The following CYP2A13 variants were observed in gnomAD, a reference collection of about 807,000 sequenced individuals.
The protein encoded by CYP2A13 is cytochrome P450 family 2 subfamily A member 13.
Under a neutral mutation model 39.4 loss-of-function variants are expected in CYP2A13, and 30 were observed. The ratio of observed to expected loss-of-function variants is 0.76; its 90% CI spans 0.57 to 1.03. The LOEUF is 1.03. Among genes scored for constraint, CYP2A13 ranks in the 50% least tolerant of loss-of-function variants. The pLI is 0.00. For synonymous variants in CYP2A13, 269 were observed against 254.7 expected (o/e 1.06, Z -0.54); for missense variants, 731 against 648.4 (o/e 1.13, Z -1.38).
At position 41,088,617 on chromosome 19, in the gene CYP2A13, T is replaced by C. The variant is rs551458619; in HGVS notation, c.146T>C (p.Leu49Pro). Residue 49 changes from leucine to proline, a missense_variant, in exon 1 of 9, where the codon CTG becomes CCG. Transcript: ENST00000330436. ...CCCTTCATTGGAAACTACCTGCAGC[T>C]GAACACAGAGCAGATGTACAACTCC... ...PLPFIGNYLQ[L>P]NTEQMYNSLM... 1.2e-5 allele frequency: 19 copies of C among 1,613,992 alleles called. No individual in the cohort carries two copies. Among genetic ancestry groups the C allele is most frequent in the Admixed American group, 8.3e-5 (5 of 60,010 alleles).
chr19:41,094,817 G>C, intron 7 of CYP2A13, 142 bp from the exon 8 acceptor site: 1 of 901,036 alleles, frequency 1.1e-6, no homozygotes, highest in East Asian at 2.4e-5. Context: ...ATCCCCCAAA[G>C]CTCCTCCCTC....
chr19:41,091,616 C>A (rs879646435), intron 4 of CYP2A13, 116 bp from the exon 5 acceptor site: 62 of 1,475,074 alleles, frequency 4.2e-5, no homozygotes, highest in Non-Finnish European at 5.1e-5. Context: ...ACCTAAACAC[C>A]TGGACAGATG....
chr19:41,090,321 G>A, intron 3 of CYP2A13, 83 bp from the exon 4 acceptor site: 1 of 1,598,026 alleles, frequency 6.3e-7, no homozygotes. Flanking sequence ...GGCTCAACAG[G>A]GCCCTGCCTC....
Position 41,088,975 on chromosome 19 carries a change from G to A in CYP2A13, c.227G>A (p.Arg76Gln), listed in dbSNP as rs1469345892. 6.8e-6 allele frequency: 11 copies of A among 1,613,850 alleles called. No homozygotes were observed. Among genetic ancestry groups the A allele is most frequent in the Admixed American group, 1.7e-5 (1 of 59,996 alleles). ...GPVFTIHLGPRRVVVLCGHDA... is the reference protein window; with the variant it reads ...GPVFTIHLGPQRVVVLCGHDA... ...GTGTTCACCATTCACTTGGGGCCCCGGCGGGTCGTGGTGCTGTGCGGACAT... is the reference window on the plus strand; with the variant it reads ...GTGTTCACCATTCACTTGGGGCCCCAGCGGGTCGTGGTGCTGTGCGGACAT... Residue 76 changes from arginine (R) to glutamine (Q), a missense_variant, in exon 2 of 9, where the codon CGG becomes CAG. Transcript: ENST00000330436.
rs762193094 is a variant in CYP2A13 at position 41,094,936 on chromosome 19, C to A, written c.1162-23C>A. The A allele has an allele frequency of 1.9e-6, 3 of 1,613,496 alleles. No homozygotes were observed. The South Asian group carries it at 3.3e-5, about 18-fold the overall frequency. Reference sequence around the variant, plus strand: ...AATCCCCCCAACCTGCCTCATTACACACACCTTCCTCCTCCCTCCCAGGGC... The same window carrying A: ...AATCCCCCCAACCTGCCTCATTACAAACACCTTCCTCCTCCCTCCCAGGGC... On this transcript the variant is annotated intron_variant, in intron 7 of 8. Transcript: ENST00000330436.
At position 41,090,206 on chromosome 19, in the gene CYP2A13, G is replaced by A; in HGVS notation, c.493+10G>A. The A allele has an allele frequency of 1.3e-6, 2 of 1,559,726 alleles. No homozygotes were observed. Among genetic ancestry groups the A allele is most frequent in the Non-Finnish European group, 1.7e-6 (2 of 1,151,898 alleles). ...CTCCGGGGCACGCACGGTGAGTAGG[G>A]GACCCCGAGTGCGAGGGCGGGAACC... On this transcript the variant is annotated intron_variant, in intron 3 of 8. Coordinates refer to ENST00000330436, the MANE Select transcript of CYP2A13 (RefSeq NM_000766.5).
At chr19:41,089,637 C>T (rs1343287971) in intron 2 of CYP2A13, among the ~76,000 whole-genome samples, 2 of 151,768 alleles carry the variant, frequency 1.3e-5, no homozygotes, top group African/African-American at 2.4e-5. Flanking sequence ...ATTTTTATTT[C>T]CTCCTCCCAG....
intron 8 of CYP2A13, 83 bp downstream of exon 8, chr19:41,095,183 C>T: frequency 6.2e-7 from 1 of 1,611,656 alleles, no homozygotes; most frequent in Non-Finnish European, 8.5e-7. Flanking sequence ...TGCGGTGTAG[C>T]CTGGTATTTC....
At chr19:41,093,585 A>G (rs1474211069) in intron 5 of CYP2A13, 45 bp from the exon 6 acceptor site, 1 of 1,612,250 alleles carries the variant, frequency 6.2e-7, no homozygotes, top group Non-Finnish European at 8.5e-7. Flanking sequence ...AAGGGCCCCA[A>G]GAGCATGGAG....
intron 5 of CYP2A13, 87 bp downstream of exon 5, chr19:41,091,995 C>T (rs1221260822): frequency 1.3e-6 from 2 of 1,551,362 alleles, no homozygotes; most frequent in Non-Finnish European, 8.7e-7. Flanking sequence ...GACACAGGCC[C>T]ATTCAAATTA....
Position 41,090,556 on chromosome 19 carries a change from A to C in CYP2A13, c.646A>C (p.Thr216Pro). The change falls in exon 4 of 9, where the codon ACG (threonine) becomes CCG (proline). Residue 216 changes from threonine (T) to proline (P), a missense_variant. Physicochemically the swap from Thr to Pro is conservative, Grantham distance 38. Transcript: ENST00000330436. ...LGSFQFTATS[T>P]GQLYEMFSSV... ...AAGCTTCCAGTTCACGGCAACCTCC[A>C]CGGGGCAGGTAACTGGCTGCAGCCC... 3 of 1,614,028 alleles carry C rather than the reference A, an allele frequency of 1.9e-6. No homozygotes were observed. The highest frequency in any genetic ancestry group is 2.5e-6 in the Non-Finnish European group (3 of 1,179,928).
intron 7 of CYP2A13, among the ~76,000 whole-genome samples, 154 bp from the exon 8 acceptor site, chr19:41,094,805 C>A (rs2031265428): frequency 6.6e-6 from 1 of 152,008 alleles, no homozygotes; most frequent in South Asian, 2.1e-4. Flanking sequence ...CATGAAACTT[C>A]TATCCCCCAA....
At position 41,094,367 on chromosome 19, in the gene CYP2A13, C is replaced by G; in HGVS notation, c.1096C>G (p.Leu366Val). 6.2e-7 allele frequency: 1 copy of G among 1,614,138 alleles called. No individual in the cohort carries two copies. The highest frequency in any genetic ancestry group is 8.5e-7 in the Non-Finnish European group (1 of 1,180,016). Reference protein sequence around the residue: ...IHEIQRFGDMLPMGLAHRVNK... With the variant: ...IHEIQRFGDMVPMGLAHRVNK... ...CGAGATCCAAAGATTTGGAGACATGCTCCCCATGGGTTTGGCCCACAGGGT... is the reference window on the plus strand; with the variant it reads ...CGAGATCCAAAGATTTGGAGACATGGTCCCCATGGGTTTGGCCCACAGGGT... Residue 366 changes from leucine to valine, a missense_variant, in exon 7 of 9, where the codon CTC becomes GTC. By Grantham distance (32) the Leu-to-Val change is conservative (BLOSUM62 1). Transcript: ENST00000330436.
chr19:41,089,805 TC>T (rs2031130586), intron 2 of CYP2A13, among the ~76,000 whole-genome samples: 1 of 646 alleles, frequency 1.5e-3, no homozygotes, highest in Non-Finnish European at 4.1e-3. Flanking sequence ...TTCTACCCGG[TC>T]TCTCTCTCTC....
In CYP2A13 at chr19:41,089,055, G is replaced by C; in HGVS notation, c.307G>C (p.Glu103Gln). 6.2e-6 allele frequency: 10 copies of C among 1,613,030 alleles called. No individual in the cohort carries two copies. Among genetic ancestry groups the C allele is most frequent in the Non-Finnish European group, 8.5e-6 (10 of 1,179,816 alleles). ...GGCTGAGGAGTTCAGCGGGCGAGGCGAGCAGGCCACCTTCGACTGGCTCTT... is the reference window on the plus strand; with the variant it reads ...GGCTGAGGAGTTCAGCGGGCGAGGCCAGCAGGCCACCTTCGACTGGCTCTT... ...DQAEEFSGRG[E>Q]QATFDWLFKG... Residue 103 changes from glutamate to glutamine, a missense_variant, in exon 2 of 9, where the codon GAG becomes CAG. Coordinates refer to ENST00000330436, the MANE Select transcript of CYP2A13 (RefSeq NM_000766.5).
intron 7 of CYP2A13, 47 bp downstream of exon 7, chr19:41,094,479 A>G (rs1242298509): frequency 1.2e-6 from 2 of 1,607,666 alleles, no homozygotes; most frequent in Non-Finnish European, 1.7e-6. Flanking sequence ...GGGGACTTCC[A>G]GCCTCTCTCT....
chr19:41,089,073 T>G lies in CYP2A13; in HGVS notation c.325T>G (p.Trp109Gly), dbSNP rs761809413. ...GCGAGGCGAGCAGGCCACCTTCGAC[T>G]GGCTCTTCAAAGGCTATGGTGAGGG... ...SGRGEQATFDWLFKGYGVAFS... is the reference protein window; with the variant it reads ...SGRGEQATFDGLFKGYGVAFS... The change falls in exon 2 of 9, where the codon TGG (tryptophan) becomes GGG (glycine). Residue 109 changes from tryptophan to glycine, a missense_variant. Physicochemically the swap from Trp to Gly is radical, Grantham distance 184. Coordinates refer to ENST00000330436, the MANE Select transcript of CYP2A13 (RefSeq NM_000766.5). 8 of 1,612,592 alleles carry G rather than the reference T, an allele frequency of 5.0e-6. No individual in the cohort carries two copies. The highest frequency in any genetic ancestry group is 1.7e-5 in the Admixed American group (1 of 60,004).
At chr19:41,094,807 A>T (rs1236816567) in intron 7 of CYP2A13, 152 bp from the exon 8 acceptor site, 1 of 827,574 alleles carries the variant, frequency 1.2e-6, no homozygotes, top group East Asian at 2.5e-5. Context: ...TGAAACTTCT[A>T]TCCCCCAAAG....
chr19:41,090,777 C>G (rs572229355), intron 4 of CYP2A13, among the ~76,000 whole-genome samples: 40 of 152,128 alleles, frequency 2.6e-4, no homozygotes, highest in Non-Finnish European at 4.3e-4. Context: ...AACAGATGAT[C>G]CCCAAAACAG....
Sources: gnomAD v4.1 joint callset for allele counts (sites outside exome capture counted in the v4.1 genomes callset) on GRCh38, gnomAD v4.1.1 for gene constraint, MANE v1.5 for transcripts, NCBI Gene and HGNC (gene_info 2026-07-23, HGNC 2026-07-21) for gene names.